CETN3: variants seen among roughly 807,000 people sequenced by gnomAD.
CETN3 encodes the protein centrin 3, also known as centrin-3.
In CETN3, 17 loss-of-function variants were observed where a neutral mutation model predicts 20.1. That is an observed-to-expected ratio of 0.85 (90% confidence interval 0.58 to 1.27). The LOEUF is 1.27. Among genes scored for constraint, CETN3 ranks in the 50% most tolerant of loss-of-function variants. The pLI, the probability that CETN3 is intolerant of heterozygous loss-of-function variation, is 0.00. For synonymous variants in CETN3, 52 were observed against 59.7 expected (o/e 0.87, Z 0.59); for missense variants, 169 against 191.2 (o/e 0.88, Z 0.69).
intron 4 of CETN3, among the ~76,000 whole-genome samples, chr5:90,394,811 C>T (rs1471667153): frequency 6.6e-6 from 1 of 151,926 alleles, no homozygotes; most frequent in Non-Finnish European, 1.5e-5. Flanking sequence ...TAGTAAGAAT[C>T]TCCAATTTAT....
rs767091652 is a variant in CETN3, at chr5:90,409,690, A to G, written c.-29T>C. On this transcript the variant is annotated 5_prime_UTR_variant, in exon 1 of 5. Coordinates refer to ENST00000283122, the MANE Select transcript of CETN3 (RefSeq NM_004365.4). ...CTCTTCGCACAGAGACGTTCCTCTC[A>G]AGAACGATTTTAACCCCCTACCCAA... 2 of 1,614,068 alleles carry G rather than the reference A, an allele frequency of 1.2e-6. No homozygotes were observed. Among genetic ancestry groups the G allele is most frequent in the Admixed American group, 1.7e-5 (1 of 60,022 alleles).
rs1749227584 is a variant in CETN3 at position 90,399,524 on chromosome 5, A to T, written c.294T>A (p.Asp98Glu). The change falls in exon 4 of 5, where the codon GAT becomes GAA. Residue 98 changes from aspartate to glutamate, a missense_variant. Asp to Glu is a conservative substitution (Grantham distance 45). Transcript: ENST00000283122. ...EVVTDWILER[D>E]PHEEILKAFK... is the part of the protein sequence containing the mutation. Reference sequence around the variant, plus strand: ...ATGCCTTGAGTATTTCTTCATGGGGATCTCTTTCCAATATCCAGTCTGTCA... The same window carrying T: ...ATGCCTTGAGTATTTCTTCATGGGGTTCTCTTTCCAATATCCAGTCTGTCA... 2 of 1,613,142 alleles carry T rather than the reference A, an allele frequency of 1.2e-6. No homozygotes were observed. Among genetic ancestry groups the T allele is most frequent in the Non-Finnish European group, 1.7e-6 (2 of 1,179,466 alleles).
At chr5:90,398,667 T>C (rs988341301) in intron 4 of CETN3, among the ~76,000 whole-genome samples, 4 of 152,196 alleles carry the variant, frequency 2.6e-5, no homozygotes, top group Non-Finnish European at 5.9e-5. Context: ...AATCAGTTAC[T>C]CAAGGTGGGA....
At chr5:90,394,243 G>A (rs1199126390) in intron 4 of CETN3, 136 bp from the exon 5 acceptor site, 2 of 531,548 alleles carry the variant, frequency 3.8e-6, no homozygotes, top group African/African-American at 4.0e-5. Flanking sequence ...ATGGCTTTTT[G>A]CTTTTACTTC....
intron 3 of CETN3, among the ~76,000 whole-genome samples, chr5:90,404,882 GAAAT>G (rs1420866323): frequency 3.4e-5 from 5 of 147,756 alleles, no homozygotes; most frequent in Non-Finnish European, 6.0e-5. Context: ...AAAAAAAAAA[GAAAT>G]AAACCTGAAT....
Position 90,403,875 on chromosome 5 carries a change from GAAAAAAAAAAAA to G in CETN3, c.268+1798_268+1809del, listed in dbSNP as rs60385437. 2.5e-3 allele frequency among the ~76,000 whole-genome samples: 217 copies of G among 86,746 alleles called. No homozygotes were observed. The Middle Eastern group carries it at 0.03, about 12-fold the overall frequency. 56.9% of individuals were successfully genotyped at this position (86,746 alleles called of 152,430 possible). A position where few individuals can be genotyped will look rare whatever the true frequency, so the allele number is the denominator to read the frequency against. ...GACAGAGCGAGACTCTGTCTCAAAAGAAAAAAAAAAAAAAAAAAAAAAAAATCACAATTTTTA... is the reference window on the plus strand; with the variant it reads ...GACAGAGCGAGACTCTGTCTCAAAAGAAAAAAAAAAAAATCACAATTTTTA... On this transcript the variant is annotated intron_variant, in intron 3 of 4. Transcript: ENST00000283122.
chr5:90,400,221 G>A (rs1447189741), intron 3 of CETN3, among the ~76,000 whole-genome samples: 3 of 152,018 alleles, frequency 2.0e-5, no homozygotes, highest in Non-Finnish European at 4.4e-5. Flanking sequence ...TGCAAAGAAG[G>A]TCTCCTTAAA....
At chr5:90,399,303 T>G (rs1421404486) in intron 4 of CETN3, 55 bp downstream of exon 4, 1 of 1,545,592 alleles carries the variant, frequency 6.5e-7, no homozygotes. Flanking sequence ...TAGAAAAATG[T>G]ATTACATGTG....
chr5:90,397,624 G>A (rs1749165997), intron 4 of CETN3, among the ~76,000 whole-genome samples: 1 of 152,060 alleles, frequency 6.6e-6, no homozygotes, highest in Admixed American at 6.6e-5. Context: ...TCCTATAATA[G>A]CATGTAATTT....
chr5:90,396,602 G>T, intron 4 of CETN3: 2 of 1,417,124 alleles, frequency 1.4e-6, no homozygotes, highest in South Asian at 1.3e-5. Flanking sequence ...GCCTTAGAAT[G>T]ATTTGATTAC....
At chr5:90,404,816 A>C (rs920380500) in intron 3 of CETN3, among the ~76,000 whole-genome samples, 1 of 152,124 alleles carries the variant, frequency 6.6e-6, no homozygotes, top group Admixed American at 6.5e-5. Flanking sequence ...AATTTTTAAA[A>C]TATCTTAAAA....
intron 3 of CETN3, among the ~76,000 whole-genome samples, chr5:90,403,364 A>G (rs1042946056): frequency 2.6e-5 from 4 of 152,238 alleles, no homozygotes; most frequent in Admixed American, 6.5e-5. Flanking sequence ...TTTTTATTTG[A>G]CACCTGGTAC....
intron 4 of CETN3, chr5:90,396,333 C>G (rs897122850): frequency 4.1e-6 from 4 of 984,594 alleles, no homozygotes; most frequent in Non-Finnish European, 4.8e-6. Context: ...TGTAATACTC[C>G]AAACTACTTT....
Position 90,399,917 on chromosome 5 carries a change from C to T in CETN3, c.269-368G>A, listed in dbSNP as rs111934194. Among the ~76,000 whole-genome samples the T allele has an allele frequency of 2.5e-3, 375 of 152,278 alleles. 3 individuals are homozygous for T. Among genetic ancestry groups the T allele is most frequent in the African/African-American group, 8.4e-3 (348 of 41,558 alleles). The stretch of plus-strand genomic sequence containing the variant: ...AGCACACAAGGAGTGTGTCATCTAC[C>T]TGTGGAGAGACATACCAACAAAATA... On this transcript the variant is annotated intron_variant, in intron 3 of 4. Transcript: ENST00000283122.
intron 4 of CETN3, chr5:90,395,865 G>A (rs1336680326): frequency 4.5e-6 from 4 of 891,974 alleles, no homozygotes; most frequent in African/African-American, 1.8e-5. Flanking sequence ...ATGGTCATAG[G>A]GAATGAAAAG....
chr5:90,407,476 A>G lies in CETN3; in HGVS notation c.153+223T>C, dbSNP rs145303522. 3.6e-3 allele frequency among the ~76,000 whole-genome samples: 548 copies of G among 152,268 alleles called. 5 individuals carry two copies. Among genetic ancestry groups the G allele is most frequent in the Middle Eastern group, 3.4e-3 (1 of 294 alleles). On this transcript the variant is annotated intron_variant, in intron 2 of 4. Coordinates refer to ENST00000283122, the MANE Select transcript of CETN3 (RefSeq NM_004365.4). ...ACCTTCCCTGGGAATGTATTTTTAC[A>G]TTTAAAATACTATTCGTTTTCTCAT...
rs765757468 is a variant in CETN3 at position 90,392,521 on chromosome 5, G to C, written c.*1543C>G. On this transcript the variant is annotated 3_prime_UTR_variant, in exon 5 of 5. Transcript: ENST00000283122. ...GTACTGGAGGTGAGGTCTGGTGGGA[G>C]GTGATTAGATGTCCTCACAATAGTG... The C allele has an allele frequency of 3.3e-5, 5 of 152,162 alleles. No homozygotes were observed. Among genetic ancestry groups the C allele is most frequent in the Admixed American group, 2.0e-4 (3 of 15,274 alleles). The allele number at this position is 152,162 out of a possible 1,614,324, so 9.4% of individuals were successfully genotyped here. A position where few individuals can be genotyped will look rare whatever the true frequency, so the allele number is the denominator to read the frequency against.
chr5:90,403,149 A>T (rs72781066), intron 3 of CETN3, among the ~76,000 whole-genome samples: 1 of 152,224 alleles, frequency 6.6e-6, no homozygotes, highest in African/African-American at 2.4e-5. Context: ...GGAAGAGTCT[A>T]TAATAGTTAA....
intron 4 of CETN3, among the ~76,000 whole-genome samples, chr5:90,394,657 C>T (rs146936980): frequency 1.3e-5 from 2 of 151,588 alleles, no homozygotes; most frequent in Non-Finnish European, 2.9e-5. Context: ...GTCACCATAC[C>T]TCAAAGGTAT....
Sources: allele counts gnomAD v4.1 joint callset (sites outside exome capture counted in the v4.1 genomes callset), GRCh38; gene constraint gnomAD v4.1.1; transcripts MANE v1.5; gene names NCBI Gene and HGNC (gene_info 2026-07-23, HGNC 2026-07-21).